Variants in SCAF11 observed in about 807,000 individuals in gnomAD.
SCAF11 encodes the protein SR-related CTD associated factor 11.
SCAF11 carries 47 observed loss-of-function variants against 140.5 expected under a neutral mutation model. The ratio of observed to expected loss-of-function variants is 0.33; its 90% CI spans 0.26 to 0.43. The LOEUF is 0.43. Among genes scored for constraint, SCAF11 ranks in the 20% least tolerant of loss-of-function variants. The pLI is 1.00. For missense variants in SCAF11, 1,645 were observed against 1,705.1 expected (o/e 0.96, Z 0.62); for synonymous variants, 557 against 579.4 (o/e 0.96, Z 0.55).
At chr12:45,939,485 C>A (rs1945245711) in intron 6 of SCAF11, among the ~76,000 whole-genome samples, 1 of 152,216 alleles carries the variant, frequency 6.6e-6, no homozygotes, top group Admixed American at 6.5e-5. Context: ...CATCTGAGGT[C>A]AGGAGTTTGA....
chr12:45,943,067 T>C (rs1187661737), intron 6 of SCAF11, among the ~76,000 whole-genome samples: 1 of 152,192 alleles, frequency 6.6e-6, no homozygotes, highest in Non-Finnish European at 1.5e-5. Flanking sequence ...TTTCATCAAA[T>C]GTAATATCTA....
At chr12:45,963,422 G>C (rs554446864) in intron 2 of SCAF11, among the ~76,000 whole-genome samples, 1 of 150,580 alleles carries the variant, frequency 6.6e-6, no homozygotes, top group Non-Finnish European at 1.5e-5. Flanking sequence ...GACAGCAAGG[G>C]AAAAAAAATG....
chr12:45,934,034 C>A (rs868304010), intron 8 of SCAF11, 142 bp downstream of exon 8: 3 of 531,708 alleles, frequency 5.6e-6, no homozygotes, highest in East Asian at 3.1e-5. Context: ...TACCTTCCCC[C>A]CCGCCCAAAA....
chr12:45,932,100 G>A (rs941813621), intron 9 of SCAF11, among the ~76,000 whole-genome samples: 2 of 151,788 alleles, frequency 1.3e-5, no homozygotes, highest in African/African-American at 4.8e-5. Context: ...GAACATTTCT[G>A]CCCCCCTAGA....
At chr12:45,922,913 G>A (rs945968670) in intron 13 of SCAF11, 23 bp downstream of exon 13, 9 of 1,598,200 alleles carry the variant, frequency 5.6e-6, no homozygotes, top group Non-Finnish European at 7.7e-6. Context: ...AATTATGAAG[G>A]TTGCTCTCAA....
chr12:45,951,380 C>T lies in SCAF11; in HGVS notation c.297+270G>A, dbSNP rs368514411. Among the ~76,000 whole-genome samples the T allele has an allele frequency of 3.9e-5, 6 of 152,170 alleles. No homozygotes were observed. In the East Asian group the frequency reaches 9.6e-4, roughly 24 times the overall value. ...TTTATAATTAAGCCTTAGTACAAAA[C>T]GTCCTTCAGATTATCAGAGATCTAA... On this transcript the variant is annotated intron_variant, in intron 4 of 14. Transcript: ENST00000369367.
At chr12:45,934,766 T>C (rs746610729) in intron 6 of SCAF11, among the ~76,000 whole-genome samples, 11 of 152,222 alleles carry the variant, frequency 7.2e-5, no homozygotes, top group African/African-American at 2.4e-4. Context: ...TTACAACATA[T>C]GAGTTAAAAT....
chr12:45,937,341 T>C (rs371893368), intron 6 of SCAF11, among the ~76,000 whole-genome samples: 1 of 152,188 alleles, frequency 6.6e-6, no homozygotes, highest in East Asian at 1.9e-4. Context: ...TTTTCTTGTA[T>C]CATTGATAAA....
chr12:45,931,291 A>G (rs562991836), intron 10 of SCAF11: 108 of 295,030 alleles, frequency 3.7e-4, no homozygotes, highest in Non-Finnish European at 5.9e-4. Context: ...ATATAGATAT[A>G]TGGAGAGACT....
rs1485537069 is a variant in SCAF11 at position 45,927,640 on chromosome 12, C to A, written c.2061G>T (p.Ser687=). Reference sequence around the variant, plus strand: ...CTGTAGATCTAGGATGTTCGGTCAGCGATTCATTCTTTTCTTCTAAAGATT... The same window carrying A: ...CTGTAGATCTAGGATGTTCGGTCAGAGATTCATTCTTTTCTTCTAAAGATT... The part of the protein sequence containing the change: ...LEKSLEEKNE[S]LTEHPRSTEL... Residue 687 remains serine (S), a synonymous_variant, in exon 11 of 15, where the codon TCG becomes TCT. Coordinates refer to ENST00000369367, the MANE Select transcript of SCAF11 (RefSeq NM_004719.3). 1.2e-6 allele frequency: 2 copies of A among 1,612,016 alleles called. No individual in the cohort carries two copies. Among genetic ancestry groups the A allele is most frequent in the Non-Finnish European group, 1.7e-6 (2 of 1,179,926 alleles).
chr12:45,961,345 C>G (rs1273423949), intron 3 of SCAF11: 1 of 715,542 alleles, frequency 1.4e-6, no homozygotes, highest in East Asian at 2.7e-5. Context: ...AAACAAAAAG[C>G]AGACAGAAGG....
chr12:45,944,100 G>A (rs760610590), intron 6 of SCAF11, among the ~76,000 whole-genome samples: 4 of 152,032 alleles, frequency 2.6e-5, no homozygotes, highest in African/African-American at 4.8e-5. Flanking sequence ...ATAATTTAGT[G>A]GGCCAAATTA....
chr12:45,989,874 A>C (rs1029868344), intron 1 of SCAF11, among the ~76,000 whole-genome samples: 13 of 152,316 alleles, frequency 8.5e-5, no homozygotes, highest in Non-Finnish European at 1.6e-4. Flanking sequence ...AAGTCTCCCA[A>C]GAAAAGCCGA....
intron 6 of SCAF11, among the ~76,000 whole-genome samples, chr12:45,938,680 C>A (rs773165261): frequency 1.3e-5 from 2 of 151,616 alleles, no homozygotes; most frequent in African/African-American, 4.9e-5. Flanking sequence ...AACACTAATC[C>A]GAAAGGATGT....
At chr12:45,979,279 G>A (rs1238489057) in intron 1 of SCAF11, among the ~76,000 whole-genome samples, 1 of 151,672 alleles carries the variant, frequency 6.6e-6, no homozygotes, top group East Asian at 2.0e-4. Context: ...GTTTCAACAT[G>A]AATTTTGGAG....
intron 1 of SCAF11, among the ~76,000 whole-genome samples, chr12:45,981,278 G>A (rs1377010188): frequency 6.6e-6 from 1 of 152,114 alleles, no homozygotes; most frequent in African/African-American, 2.4e-5. Context: ...ATGTTAATGA[G>A]AAAGGAAACA....
intron 6 of SCAF11, among the ~76,000 whole-genome samples, chr12:45,944,811 GAAGT>G (rs1248286577): frequency 6.6e-6 from 1 of 152,140 alleles, no homozygotes; most frequent in African/African-American, 2.4e-5. Flanking sequence ...TTTCAAATTA[GAAGT>G]AAGGCTAGAG....
Position 45,926,367 on chromosome 12 carries a change from T to C in SCAF11, c.3334A>G (p.Ser1112Gly), listed in dbSNP as rs746212475. The C allele has an allele frequency of 6.2e-7, 1 of 1,614,182 alleles. No homozygotes were observed. The highest frequency in any genetic ancestry group is 1.1e-5 in the South Asian group (1 of 91,086). ...TGTTCCACAAACTTGAAAGATTCAC[T>C]CCCTGAACTGTTTGAATTCCCTGAG... ...PLSGNSNSSG[S>G]ESFKFVEQQS... Residue 1112 changes from serine (S) to glycine (G), a missense_variant, in exon 11 of 15, where the codon AGT (serine) becomes GGT (glycine). Physicochemically the swap from Ser to Gly is moderately conservative, Grantham distance 56. Around this residue, in one of 2 missense-constraint regions of SCAF11, gnomAD observed 1,582 missense variants for 1,609.2 expected, o/e 0.98. Transcript: ENST00000369367.
chr12:45,938,027 T>C lies in SCAF11; in HGVS notation c.464-3522A>G, dbSNP rs184658946. Among the ~76,000 whole-genome samples the C allele has an allele frequency of 1.3e-3, 191 of 152,328 alleles. 2 individuals are homozygous for C. The highest frequency in any genetic ancestry group is 4.5e-3 in the African/African-American group (187 of 41,592). Reference sequence around the variant, plus strand: ...AAGGTTTGATGGTATGTGTACTGTCTTGAGATTCTTAACTCCATTCTTCCC... The same window carrying C: ...AAGGTTTGATGGTATGTGTACTGTCCTGAGATTCTTAACTCCATTCTTCCC... On this transcript the variant is annotated intron_variant, in intron 6 of 14. Transcript: ENST00000369367.
Sources: allele counts gnomAD v4.1 joint callset (sites outside exome capture counted in the v4.1 genomes callset), GRCh38; gene constraint gnomAD v4.1.1; regional missense constraint gnomAD v4.1.1; transcripts MANE v1.5; gene names NCBI Gene and HGNC (gene_info 2026-07-23, HGNC 2026-07-21).